SPEN: variants seen among roughly 807,000 people sequenced by gnomAD.
The protein encoded by SPEN is msx2-interacting protein.
In SPEN, 18 loss-of-function variants were observed where a neutral mutation model predicts 269.9. The ratio of observed to expected loss-of-function variants is 0.07; its 90% CI spans 0.05 to 0.10. The LOEUF (loss-of-function observed/expected upper bound fraction) is 0.10. Among genes scored for constraint, SPEN ranks in the 10% least tolerant of loss-of-function variants. SPEN has a pLI of 1.00. For missense variants in SPEN, 3,822 were observed against 4,631.2 expected (o/e 0.83, Z 5.07); for synonymous variants, 1,726 against 1,765.7 (o/e 0.98, Z 0.56).
chr1:15,885,484 G>A (rs1236162021), intron 3 of SPEN, among the ~76,000 whole-genome samples: 2 of 152,180 alleles, frequency 1.3e-5, no homozygotes, highest in African/African-American at 4.8e-5. Flanking sequence ...ATTATTCTTT[G>A]TGATGGACTC....
chr1:15,872,945 C>G lies in SPEN; in HGVS notation c.213C>G (p.Asp71Glu), dbSNP rs1178758976. 2 of 1,611,572 alleles carry G rather than the reference C, an allele frequency of 1.2e-6. No homozygotes were observed. Among genetic ancestry groups the G allele is most frequent in the Non-Finnish European group, 1.7e-6 (2 of 1,178,060 alleles). The change falls in exon 2 of 15, where the codon GAC becomes GAG. Residue 71 changes from aspartate (D) to glutamate (E), a missense_variant. By Grantham distance (45) the Asp-to-Glu change is conservative (BLOSUM62 2). Coordinates refer to ENST00000375759, the MANE Select transcript of SPEN (RefSeq NM_015001.3). ...ACAACTCGGTCAACAAAATGGGTGACAGAGACCTACGCACGGATTATAATG... is the reference window on the plus strand; with the variant it reads ...ACAACTCGGTCAACAAAATGGGTGAGAGAGACCTACGCACGGATTATAATG... ...KAHNSVNKMG[D>E]RDLRTDYNEP...
chr1:15,903,611 A>G (rs2070924283), intron 3 of SPEN, among the ~76,000 whole-genome samples: 1 of 152,050 alleles, frequency 6.6e-6, no homozygotes, highest in Non-Finnish European at 1.5e-5. Context: ...CCTGGGCTCA[A>G]GTGATCTGCC....
rs765438846 is a variant in SPEN, at chr1:15,928,405, T to C, written c.2165T>C (p.Ile722Thr). The C allele has an allele frequency of 2.3e-5, 37 of 1,613,976 alleles. No individual in the cohort carries two copies. Among genetic ancestry groups the C allele is most frequent in the Admixed American group, 3.3e-5 (2 of 60,010 alleles). Residue 722 changes from isoleucine (I) to threonine (T), a missense_variant, in exon 11 of 15, where the codon ATT becomes ACT. Ile to Thr is a moderately conservative substitution (Grantham distance 89). Around this residue, in one of 16 missense-constraint regions of SPEN, gnomAD observed 572 missense variants for 582.6 expected, o/e 0.98. Transcript: ENST00000375759. The surrounding 1 kb of genome is among the most constrained non-coding windows in gnomAD (Gnocchi z 5.7). ...GACAGAGACCATGAGAGGAGGCCGA[T>C]TGAACGAAGTCAAAGTCCTGTTCAC... ...DRDRDHERRPIERSQSPVHLR... is the reference protein window; with the variant it reads ...DRDRDHERRPTERSQSPVHLR...
In SPEN at chr1:15,936,194, C is replaced by T. The variant is rs1040585414; in HGVS notation, c.9954C>T (p.Ala3318=). The T allele has an allele frequency of 6.3e-6, 10 of 1,589,950 alleles. No homozygotes were observed. Among genetic ancestry groups the T allele is most frequent in the Non-Finnish European group, 8.6e-6 (10 of 1,163,572 alleles). Residue 3318 remains alanine (A), a synonymous_variant, in exon 11 of 15, where the codon GCC becomes GCT. Coordinates refer to ENST00000375759, the MANE Select transcript of SPEN (RefSeq NM_015001.3). ...ACATCCGCACCTACCACCCCCCGGCCCAGCTCACACACACTCAGTTTCCCG... is the reference window on the plus strand; with the variant it reads ...ACATCCGCACCTACCACCCCCCGGCTCAGCTCACACACACTCAGTTTCCCG... The part of the protein sequence containing the change: ...YGDIRTYHPP[A]QLTHTQFPAA...
Position 15,932,291 on chromosome 1 carries a change from G to A in SPEN, c.6051G>A (p.Val2017=), listed in dbSNP as rs1022320446. 3.7e-6 allele frequency: 6 copies of A among 1,607,154 alleles called. No individual in the cohort carries two copies. The highest frequency in any genetic ancestry group is 3.4e-6 in the Non-Finnish European group (4 of 1,177,438). ...CACGTCCTGAGGCCACCACTGAGGT[G>A]GGCCCCCAAATAGGCGTGAAAGAGA... ...DATRPEATTE[V]GPQIGVKESS... Residue 2017 remains valine (V), a synonymous_variant, in exon 11 of 15, where the codon GTG becomes GTA. Coordinates refer to ENST00000375759, the MANE Select transcript of SPEN (RefSeq NM_015001.3). This position sits in a 1 kb window ranked among gnomAD's most constrained non-coding sequence, Gnocchi z 4.2.
At chr1:15,886,064 G>T (rs915493833) in intron 3 of SPEN, among the ~76,000 whole-genome samples, 1 of 152,250 alleles carries the variant, frequency 6.6e-6, no homozygotes, top group East Asian at 1.9e-4. Context: ...AAATAGGTCT[G>T]TTTCCTTTCT....
chr1:15,915,169 C>T (rs2071046315), intron 5 of SPEN, among the ~76,000 whole-genome samples: 2 of 152,138 alleles, frequency 1.3e-5, no homozygotes, highest in African/African-American at 4.8e-5. Flanking sequence ...TAATTAATTA[C>T]CATTTTTGCT....
intron 1 of SPEN, among the ~76,000 whole-genome samples, chr1:15,864,059 A>G (rs2070473074): frequency 6.6e-6 from 1 of 152,204 alleles, no homozygotes; most frequent in East Asian, 1.9e-4. Context: ...ATGTAAGTGA[A>G]ATAAGCCAGT....
At position 15,934,152 on chromosome 1, in the gene SPEN, A is replaced by G. The variant is rs1272478555; in HGVS notation, c.7912A>G (p.Thr2638Ala). The change falls in exon 11 of 15, where the codon ACC becomes GCC. Residue 2638 changes from threonine to alanine, a missense_variant. Physicochemically the swap from Thr to Ala is moderately conservative, Grantham distance 58. This residue lies in a region of SPEN where 329 missense variants were observed against 431.2 expected (regional missense o/e 0.76). Transcript: ENST00000375759. This position sits in a 1 kb window ranked among gnomAD's most constrained non-coding sequence, Gnocchi z 9.2. The stretch of plus-strand genomic sequence containing the variant: ...TGACCTGGAAAATTCACAGAAGATA[A>G]CCTTGGCAAAACCAGCTCCTCAAAC... ...SIDLENSQKITLAKPAPQTLT... is the reference protein window; with the variant it reads ...SIDLENSQKIALAKPAPQTLT... 1 of 1,614,112 alleles carries G rather than the reference A, an allele frequency of 6.2e-7. No homozygotes were observed. Among genetic ancestry groups the G allele is most frequent in the South Asian group, 1.1e-5 (1 of 91,076 alleles).
intron 1 of SPEN, among the ~76,000 whole-genome samples, chr1:15,869,058 TATTA>T (rs1480288979): frequency 1.3e-5 from 2 of 152,102 alleles, no homozygotes; most frequent in Non-Finnish European, 2.9e-5. Context: ...ATTAATTATT[TATTA>T]ATTTATTTTC....
intron 3 of SPEN, among the ~76,000 whole-genome samples, chr1:15,904,877 A>T (rs1339497304): frequency 1.3e-5 from 2 of 151,508 alleles, no homozygotes; most frequent in African/African-American, 2.4e-5. Flanking sequence ...TTGATTGATT[A>T]TCTTTGTCTC....
At position 15,874,458 on chromosome 1, in the gene SPEN, T is replaced by C. The variant is rs190848008; in HGVS notation, c.404+1322T>C. 4 of 1,219,156 alleles carry C rather than the reference T, an allele frequency of 3.3e-6. No homozygotes were observed. In the African/African-American group the frequency reaches 6.3e-5, roughly 19 times the overall value. The allele number at this position is 1,219,156 out of a possible 1,614,324, so 75.5% of individuals were successfully genotyped here. On this transcript the variant is annotated intron_variant, in intron 2 of 14. Transcript: ENST00000375759. ...CTAACCCAAGTCAAACTCTCTTTTT[T>C]TCCCCACTAACTCTAGAAGTATTTA...
rs1480596447 is a variant in SPEN, at chr1:15,930,572, T to G, written c.4332T>G (p.Thr1444=). Residue 1444 remains threonine (T), a synonymous_variant, in exon 11 of 15, where the codon ACT becomes ACG. Transcript: ENST00000375759. The surrounding 1 kb of genome is among the most constrained non-coding windows in gnomAD (Gnocchi z 5.3). ...FALDKTITPD[T]KALLERAKSL... The stretch of plus-strand genomic sequence containing the variant: ...TGGATAAGACAATCACACCAGACAC[T>G]AAAGCTTTGCTTGAAAGAGCTAAAT... 5.0e-6 allele frequency: 8 copies of G among 1,614,094 alleles called. No individual in the cohort carries two copies. The highest frequency in any genetic ancestry group is 5.9e-6 in the Non-Finnish European group (7 of 1,179,938).
At chr1:15,858,898 T>C (rs1391252902) in intron 1 of SPEN, among the ~76,000 whole-genome samples, 1 of 152,178 alleles carries the variant, frequency 6.6e-6, no homozygotes, top group Non-Finnish European at 1.5e-5. Flanking sequence ...GAGCCGATAC[T>C]GCGCTGCCGC....
rs766725204 is a variant in SPEN at position 15,934,572 on chromosome 1, A to T, written c.8332A>T (p.Ser2778Cys). Residue 2778 changes from serine (S) to cysteine (C), a missense_variant, in exon 11 of 15, where the codon AGT becomes TGT. Transcript: ENST00000375759. The surrounding 1 kb of genome is among the most constrained non-coding windows in gnomAD (Gnocchi z 9.2). Reference sequence around the variant, plus strand: ...GTCAACAAAGTGCAAACAGAGAGCGAGTGCTAATGAAAACAGTCGGTTCCA... The same window carrying T: ...GTCAACAAAGTGCAAACAGAGAGCGTGTGCTAATGAAAACAGTCGGTTCCA... ...APSTKCKQRA[S>C]ANENSRFHPG... 6.2e-7 allele frequency: 1 copy of T among 1,614,134 alleles called. No homozygotes were observed.
At chr1:15,904,014 T>A (rs2070927384) in intron 3 of SPEN, among the ~76,000 whole-genome samples, 1 of 152,108 alleles carries the variant, frequency 6.6e-6, no homozygotes, top group Non-Finnish European at 1.5e-5. Flanking sequence ...TCTAACAAAA[T>A]TGAGAACATA....
chr1:15,864,886 G>A (rs148126621), intron 1 of SPEN, among the ~76,000 whole-genome samples: 70 of 151,694 alleles, frequency 4.6e-4, no homozygotes, highest in Middle Eastern at 6.8e-3. Context: ...TGGGGAGGTG[G>A]GGAGGGGTCT....
At chr1:15,883,878 C>T (rs6429786) in intron 3 of SPEN, among the ~76,000 whole-genome samples, 123,930 of 146,096 alleles carry the variant, frequency 0.85, 52,738 homozygotes, top group Middle Eastern at 0.92. Flanking sequence ...GGTGTGATCT[C>T]GACTCACTGC....
chr1:15,908,390 T>C (rs971360431), intron 3 of SPEN, among the ~76,000 whole-genome samples: 1 of 151,858 alleles, frequency 6.6e-6, no homozygotes, highest in Non-Finnish European at 1.5e-5. Flanking sequence ...ATACCTGTCA[T>C]ATTCCAAACT....
Sources: allele counts gnomAD v4.1 joint callset (sites outside exome capture counted in the v4.1 genomes callset), GRCh38; gene constraint gnomAD v4.1.1; regional missense constraint gnomAD v4.1.1; non-coding constraint Gnocchi (gnomAD v3.1); transcripts MANE v1.5; gene names NCBI Gene and HGNC (gene_info 2026-07-23, HGNC 2026-07-21).